The following LINGO2 variants were observed in gnomAD, a reference collection of about 807,000 sequenced individuals.
LINGO2 encodes the protein leucine-rich repeat and immunoglobulin-like domain-containing nogo receptor-interacting protein 2.
LINGO2 carries 14 observed loss-of-function variants against 30.6 expected under a neutral mutation model. The ratio of observed to expected loss-of-function variants is 0.46; its 90% CI spans 0.30 to 0.72. The LOEUF (loss-of-function observed/expected upper bound fraction) is 0.72, where lower values mean the gene tolerates loss of function less well. Ranked by LOEUF, LINGO2 falls within the 30% of genes least tolerant of loss-of-function variation. The pLI, the probability that LINGO2 is intolerant of heterozygous loss-of-function variation, is 0.07. For synonymous variants in LINGO2, 317 were observed against 288.5 expected (o/e 1.10, Z -1.00); for missense variants, 729 against 751.7 (o/e 0.97, Z 0.35).
At chr9:28,764,365 A>G in the LINGO2 span, among the ~76,000 whole-genome samples, 4 of 152,118 alleles carry the variant, frequency 2.6e-5, no homozygotes, top group Non-Finnish European at 4.4e-5. Context: ...ATGCAAATCA[A>G]TGTGATATAC....
At chr9:28,658,782 T>TGGC (rs1828465708) in intron 1 of LINGO2, among the ~76,000 whole-genome samples, 1 of 152,112 alleles carries the variant, frequency 6.6e-6, no homozygotes, top group African/African-American at 2.4e-5. Flanking sequence ...AATAGAAAAC[T>TGGC]AACACAATAC....
chr9:28,468,987 C>CTAGA (rs1825418228), intron 2 of LINGO2, among the ~76,000 whole-genome samples: 1 of 151,958 alleles, frequency 6.6e-6, no homozygotes, highest in Non-Finnish European at 1.5e-5. Context: ...ATCAGCCTCA[C>CTAGA]TAGATAAGAC....
the LINGO2 span, among the ~76,000 whole-genome samples, chr9:28,702,965 T>C: frequency 6.6e-6 from 1 of 151,882 alleles, no homozygotes; most frequent in East Asian, 1.9e-4. Context: ...GTCTAAGGTA[T>C]CTGTAGTGAG....
intron 2 of LINGO2, among the ~76,000 whole-genome samples, chr9:28,443,140 T>C (rs1283299979): frequency 6.6e-6 from 1 of 152,246 alleles, no homozygotes; most frequent in Non-Finnish European, 1.5e-5. Context: ...GTTATGCTTT[T>C]ATACCAATTG....
intron 3 of LINGO2, among the ~76,000 whole-genome samples, chr9:28,349,643 A>G (rs1302748581): frequency 7.2e-6 from 1 of 139,670 alleles, no homozygotes; most frequent in African/African-American, 2.7e-5. Context: ...CAGGAAATAC[A>G]GAGAACGCCA....
At chr9:28,743,816 G>C in the LINGO2 span, among the ~76,000 whole-genome samples, 1 of 151,352 alleles carries the variant, frequency 6.6e-6, no homozygotes, top group Non-Finnish European at 1.5e-5. Flanking sequence ...TGATACTACT[G>C]GTAGTTCAAT....
intron 4 of LINGO2, among the ~76,000 whole-genome samples, chr9:28,291,760 A>T (rs549013823): frequency 6.6e-6 from 1 of 152,326 alleles, no homozygotes; most frequent in African/African-American, 2.4e-5. Flanking sequence ...GCAGAGAGAG[A>T]GAATGTGGCA....
At position 28,242,716 on chromosome 9, in the gene LINGO2, C is replaced by A. The variant is rs1179635700; in HGVS notation, c.-87+52492G>T. Among the ~76,000 whole-genome samples the A allele has an allele frequency of 2.0e-5, 3 of 152,192 alleles. No homozygotes were observed. The East Asian group carries it at 5.8e-4, about 29-fold the overall frequency. On this transcript the variant is annotated intron_variant, in intron 4 of 5. Transcript: ENST00000379992. ...AATGAGGAAAAAATGTTAAAGGCAG[C>A]CAGAGAGAAAGGCCAGGTCACCTAC...
At chr9:28,102,595 G>T (rs1202154682) in intron 4 of LINGO2, among the ~76,000 whole-genome samples, 3 of 146,390 alleles carry the variant, frequency 2.0e-5, no homozygotes, top group South Asian at 2.1e-4. Context: ...AAGGGAAAGG[G>T]GTTATTAAAA....
At chr9:28,248,569 T>C (rs1822086487) in intron 4 of LINGO2, among the ~76,000 whole-genome samples, 1 of 152,152 alleles carries the variant, frequency 6.6e-6, no homozygotes. Context: ...TCAGGGGGAC[T>C]GTAGTCAATA....
chr9:28,294,058 T>A (rs1191665884), intron 4 of LINGO2, among the ~76,000 whole-genome samples: 1 of 152,196 alleles, frequency 6.6e-6, no homozygotes, highest in Admixed American at 6.5e-5. Flanking sequence ...ATCTACACTA[T>A]TTCAAAAAAT....
At chr9:28,598,417 T>TAA (rs1825295171) in intron 1 of LINGO2, among the ~76,000 whole-genome samples, 1 of 54,262 alleles carries the variant, frequency 1.8e-5, no homozygotes, top group Non-Finnish European at 3.9e-5. Flanking sequence ...GTTCTCCATA[T>TAA]CAAAAAAAAA....
intron 3 of LINGO2, among the ~76,000 whole-genome samples, chr9:28,358,622 C>T (rs1319717001): frequency 1.3e-5 from 2 of 152,088 alleles, no homozygotes; most frequent in Admixed American, 1.3e-4. Context: ...GGCATATGGG[C>T]TACAGGCAGA....
At chr9:28,311,690 T>C (rs1344417298) in intron 3 of LINGO2, among the ~76,000 whole-genome samples, 9 of 152,178 alleles carry the variant, frequency 5.9e-5, no homozygotes, top group Non-Finnish European at 1.2e-4. Flanking sequence ...AATGCTGTTA[T>C]CCTGTTCCTT....
At chr9:28,004,626 A>AT (rs1822167052) in intron 5 of LINGO2, among the ~76,000 whole-genome samples, 1 of 142,836 alleles carries the variant, frequency 7.0e-6, no homozygotes, top group Non-Finnish European at 1.5e-5. Context: ...TGTGATAAGT[A>AT]GTTTTTTTTC....
chr9:28,100,220 T>C (rs1023224038), intron 4 of LINGO2, among the ~76,000 whole-genome samples: 6 of 152,116 alleles, frequency 3.9e-5, no homozygotes, highest in South Asian at 2.1e-4. Context: ...ATAAAATCAA[T>C]AGAGTCCCCA....
At chr9:28,581,199 G>T (rs1824240413) in intron 1 of LINGO2, among the ~76,000 whole-genome samples, 1 of 151,770 alleles carries the variant, frequency 6.6e-6, no homozygotes. Context: ...TATATTCCTA[G>T]AAGTTTCTTA....
the LINGO2 span, among the ~76,000 whole-genome samples, chr9:28,972,609 G>A: frequency 6.6e-6 from 1 of 152,098 alleles, no homozygotes; most frequent in Non-Finnish European, 1.5e-5. Context: ...TTGAAAATAT[G>A]CAGTCAGAAG....
At chr9:28,971,570 G>A in the LINGO2 span, among the ~76,000 whole-genome samples, 2 of 152,234 alleles carry the variant, frequency 1.3e-5, no homozygotes, top group Admixed American at 1.3e-4. Flanking sequence ...TGAAAGGCAG[G>A]AGAAAGAGTG....
Sources: gnomAD v4.1 joint callset for allele counts (sites outside exome capture counted in the v4.1 genomes callset) on GRCh38, gnomAD v4.1.1 for gene constraint, MANE v1.5 for transcripts, NCBI Gene and HGNC (gene_info 2026-07-23, HGNC 2026-07-21) for gene names.